Variants in CSMD2 observed in about 807,000 individuals in gnomAD.
The protein encoded by CSMD2 is CUB and sushi domain-containing protein 2.
In CSMD2, 130 loss-of-function variants were observed where a neutral mutation model predicts 398.5. The ratio of observed to expected loss-of-function variants is 0.33; its 90% CI spans 0.28 to 0.38. The LOEUF (loss-of-function observed/expected upper bound fraction) is 0.38. Among genes scored for constraint, CSMD2 ranks in the 10% least tolerant of loss-of-function variants. The probability of loss-of-function intolerance (pLI) is 1.00; values close to 1 mark genes in which losing one functional copy is unlikely to be tolerated. For missense variants in CSMD2, 3,829 were observed against 4,764.9 expected, an observed-to-expected ratio of 0.80 and a Z score of 5.78; for synonymous variants, 1,828 against 1,908.5, an observed-to-expected ratio of 0.96 and a Z score of 1.10.
Position 33,789,807 on chromosome 1 carries a change from C to T in CSMD2, c.1551-1095G>A, listed in dbSNP as rs115643938. ...TGACAAGCTGAGTAAGGATTGTGGC[C>T]AGGCCAGTGCTGGCTCCTGACTCTG... is the stretch of plus-strand genomic sequence containing the variant. On this transcript the variant is annotated intron_variant, in intron 11 of 70. Transcript: ENST00000373381. Among the ~76,000 whole-genome samples, 742 of 152,278 alleles carry T rather than the reference C, an allele frequency of 4.9e-3. 5 individuals carry two copies. The highest frequency in any genetic ancestry group is 0.017 in the African/African-American group (695 of 41,556).
chr1:33,919,444 A>G lies in CSMD2; in HGVS notation c.713-1143T>C, dbSNP rs563108801. ...TGATCTTGTTTAGCAGCTCTGAACTATTCTTACTAATGTTCTTTACAGGGT... is the reference window on the plus strand; with the variant it reads ...TGATCTTGTTTAGCAGCTCTGAACTGTTCTTACTAATGTTCTTTACAGGGT... On this transcript the variant is annotated intron_variant, in intron 4 of 70. Transcript: ENST00000373381. Among the ~76,000 whole-genome samples, 8 of 152,352 alleles carry G rather than the reference A, an allele frequency of 5.3e-5. No homozygotes were observed. The South Asian group carries it at 1.0e-3, about 20-fold the overall frequency.
chr1:33,905,642 T>C (rs1643042694), intron 5 of CSMD2, among the ~76,000 whole-genome samples: 1 of 152,168 alleles, frequency 6.6e-6, no homozygotes, highest in South Asian at 2.1e-4. Context: ...GTTTTTATTT[T>C]GATTTTAGGT....
chr1:33,932,594 C>T (rs965970307), intron 4 of CSMD2, among the ~76,000 whole-genome samples: 3 of 152,162 alleles, frequency 2.0e-5, no homozygotes, highest in Admixed American at 6.5e-5. Flanking sequence ...CCAGCCCTTG[C>T]TGCCCGCTGT....
At chr1:34,153,974 C>A (rs1640568343) in intron 1 of CSMD2, among the ~76,000 whole-genome samples, 1 of 152,224 alleles carries the variant, frequency 6.6e-6, no homozygotes, top group Non-Finnish European at 1.5e-5. Flanking sequence ...AAGAAGCTAT[C>A]TGCAACTTCT....
chr1:33,523,262 C>T (rs1654471378), intron 67 of CSMD2, 45 bp downstream of exon 67: 1 of 950,034 alleles, frequency 1.1e-6, no homozygotes, highest in East Asian at 2.4e-5. Context: ...TCTTCCCTGC[C>T]AGTGATCTGG....
At chr1:33,592,541 A>T in intron 44 of CSMD2, 1 of 717,054 alleles carries the variant, frequency 1.4e-6, no homozygotes, top group South Asian at 1.5e-5. Context: ...CCACAAAGTG[A>T]TTGGAATGTG....
chr1:33,641,925 C>T (rs529415698), intron 29 of CSMD2, among the ~76,000 whole-genome samples: 1 of 152,198 alleles, frequency 6.6e-6, no homozygotes. Flanking sequence ...AATAAAAATG[C>T]CTGACCTGCT....
chr1:33,664,206 A>G (rs1415216873), intron 25 of CSMD2, among the ~76,000 whole-genome samples: 2 of 152,208 alleles, frequency 1.3e-5, no homozygotes, highest in African/African-American at 4.8e-5. Context: ...CTCCAGAGCT[A>G]TTCAATTAAT....
At chr1:33,945,395 T>A (rs1644807896) in intron 3 of CSMD2, among the ~76,000 whole-genome samples, 1 of 152,196 alleles carries the variant, frequency 6.6e-6, no homozygotes, top group Non-Finnish European at 1.5e-5. Context: ...AGGGAAGAGG[T>A]ATCTCTTCTG....
chr1:33,987,589 C>G (rs1328822503), intron 3 of CSMD2, among the ~76,000 whole-genome samples: 1 of 152,212 alleles, frequency 6.6e-6, no homozygotes, highest in Non-Finnish European at 1.5e-5. Context: ...TCTCTTCCAT[C>G]TCTGCTGTCA....
At chr1:34,049,830 TTA>T (rs940946234) in intron 2 of CSMD2, among the ~76,000 whole-genome samples, 8 of 152,140 alleles carry the variant, frequency 5.3e-5, no homozygotes, top group African/African-American at 1.9e-4. Flanking sequence ...CTCCCAAAGT[TTA>T]TATGTTGAAT....
At chr1:33,631,567 A>G (rs951918584) in intron 32 of CSMD2, among the ~76,000 whole-genome samples, 11 of 152,160 alleles carry the variant, frequency 7.2e-5, no homozygotes, top group Non-Finnish European at 1.6e-4. Flanking sequence ...ACCAGCTAGA[A>G]AACATAATGG....
At chr1:33,574,235 C>T (rs1207708005) in intron 49 of CSMD2, among the ~76,000 whole-genome samples, 1 of 152,028 alleles carries the variant, frequency 6.6e-6, no homozygotes, top group Non-Finnish European at 1.5e-5. Context: ...AGAACTAACT[C>T]AAGAATACAA....
chr1:33,673,580 G>A (rs974635431), intron 25 of CSMD2, among the ~76,000 whole-genome samples: 3 of 152,284 alleles, frequency 2.0e-5, no homozygotes, highest in South Asian at 2.1e-4. Context: ...AGCAAGGCAG[G>A]CCAACATTCA....
intron 5 of CSMD2, among the ~76,000 whole-genome samples, chr1:33,915,614 G>A (rs1383624891): frequency 1.3e-5 from 2 of 152,148 alleles, no homozygotes; most frequent in Non-Finnish European, 1.5e-5. Flanking sequence ...ACTCACACCT[G>A]GAGGGCAGAA....
intron 12 of CSMD2, among the ~76,000 whole-genome samples, chr1:33,775,810 G>A (rs1314072721): frequency 1.3e-5 from 2 of 152,328 alleles, no homozygotes; most frequent in Non-Finnish European, 2.9e-5. Context: ...CAAGGAGAGT[G>A]AGAAGGGATG....
chr1:33,567,629 C>A lies in CSMD2; in HGVS notation c.8344G>T (p.Asp2782Tyr), dbSNP rs761682983. Reference protein sequence around the residue: ...IGMSVRICQQDHHWSGKTPFC... With the variant: ...IGMSVRICQQYHHWSGKTPFC... ...GGGGTCTTGCCCGACCAGTGATGAT[C>A]CTGCTGGCAGATGCGCACAGACATG... Residue 2782 changes from aspartate (D) to tyrosine (Y), a missense_variant, in exon 53 of 71, where the codon GAT becomes TAT. Physicochemically the swap from Asp to Tyr is radical, Grantham distance 160. Transcript: ENST00000373381. 1 of 1,614,134 alleles carries A rather than the reference C, an allele frequency of 6.2e-7. No homozygotes were observed. Among genetic ancestry groups the A allele is most frequent in the Non-Finnish European group, 8.5e-7 (1 of 1,180,010 alleles).
intron 2 of CSMD2, among the ~76,000 whole-genome samples, chr1:34,040,099 G>A (rs1346273826): frequency 6.6e-6 from 1 of 152,022 alleles, no homozygotes. Flanking sequence ...GCTGAAGTGG[G>A]AGGATCACTT....
chr1:33,892,004 C>G (rs945035654), intron 5 of CSMD2, among the ~76,000 whole-genome samples: 1 of 150,086 alleles, frequency 6.7e-6, no homozygotes, highest in African/African-American at 2.5e-5. Context: ...ACATATGTAA[C>G]TAACCTGCAC....
Sources: allele counts gnomAD v4.1 joint callset (sites outside exome capture counted in the v4.1 genomes callset), GRCh38; gene constraint gnomAD v4.1.1; transcripts MANE v1.5; gene names NCBI Gene and HGNC (gene_info 2026-07-23, HGNC 2026-07-21).